The following ASPH variants were observed in gnomAD, a reference collection of about 807,000 sequenced individuals.
ASPH encodes aspartate beta-hydroxylase.
Under a neutral mutation model 118.4 loss-of-function variants are expected in ASPH, and 100 were observed. That is an observed-to-expected ratio of 0.84 (90% CI 0.72 to 1.00). The LOEUF (loss-of-function observed/expected upper bound fraction) is 1.00. Among genes scored for constraint, ASPH ranks in the 50% least tolerant of loss-of-function variants. The probability of loss-of-function intolerance (pLI) is 0.00; values close to 1 mark genes in which losing one functional copy is unlikely to be tolerated. For missense variants in ASPH, 920 were observed against 919.5 expected, an observed-to-expected ratio of 1.00 and a Z score of -0.01; for synonymous variants, 315 against 325.6, an observed-to-expected ratio of 0.97 and a Z score of 0.35.
At chr8:61,706,577 T>C (rs1292519927) in intron 1 of ASPH, among the ~76,000 whole-genome samples, 1 of 152,146 alleles carries the variant, frequency 6.6e-6, no homozygotes, top group African/African-American at 2.4e-5. Context: ...ACATCTGTAT[T>C]TGTCCCAAAT....
intron 13 of ASPH, among the ~76,000 whole-genome samples, chr8:61,629,316 T>C (rs967372745): frequency 2.6e-5 from 4 of 152,232 alleles, no homozygotes; most frequent in Non-Finnish European, 4.4e-5. Context: ...CCTAAAGTAT[T>C]GTTTGAGAGG....
chr8:61,664,733 C>T (rs1014867203), intron 3 of ASPH: 76 of 977,452 alleles, frequency 7.8e-5, no homozygotes, highest in East Asian at 1.2e-4. Context: ...TGAAAGGCTG[C>T]GGGAGGGCTG....
chr8:61,595,311 C>G (rs769605141), intron 14 of ASPH, among the ~76,000 whole-genome samples: 1 of 152,088 alleles, frequency 6.6e-6, no homozygotes, highest in Non-Finnish European at 1.5e-5. Flanking sequence ...TGAGCAATAG[C>G]AGGATGATGA....
intron 10 of ASPH, among the ~76,000 whole-genome samples, chr8:61,638,726 T>C (rs1276832105): frequency 6.6e-6 from 1 of 152,190 alleles, no homozygotes; most frequent in Admixed American, 6.5e-5. Flanking sequence ...TTCTCAGACC[T>C]CTAACCTGGG....
intron 4 of ASPH, 50 bp from the exon 5 acceptor site, chr8:61,651,174 T>C: frequency 4.1e-6 from 6 of 1,467,152 alleles, no homozygotes; most frequent in Middle Eastern, 1.9e-4. Flanking sequence ...AACATCAACA[T>C]GGACCCCTAA....
intron 21 of ASPH, among the ~76,000 whole-genome samples, chr8:61,545,172 G>A (rs1472775811): frequency 1.3e-5 from 2 of 152,170 alleles, no homozygotes; most frequent in Admixed American, 6.6e-5. Flanking sequence ...GATGGTGTTA[G>A]GAAGTGGGGC....
At chr8:61,645,406 G>A (rs1261586312) in intron 6 of ASPH, among the ~76,000 whole-genome samples, 6 of 152,160 alleles carry the variant, frequency 3.9e-5, no homozygotes, top group Admixed American at 6.5e-5. Flanking sequence ...TAAGCAGCAT[G>A]TAGATAGAAA....
intron 14 of ASPH, among the ~76,000 whole-genome samples, chr8:61,589,216 T>C (rs1228364419): frequency 6.6e-6 from 1 of 152,312 alleles, no homozygotes; most frequent in East Asian, 1.9e-4. Flanking sequence ...GAATACACAC[T>C]ATAAAAGGTA....
At chr8:61,566,278 G>A (rs1332061032) in intron 17 of ASPH, among the ~76,000 whole-genome samples, 1 of 152,198 alleles carries the variant, frequency 6.6e-6, no homozygotes, top group Non-Finnish European at 1.5e-5. Context: ...AGTGGAGGAA[G>A]TAACTACAGA....
At chr8:61,713,352 C>G (rs992887785) in intron 1 of ASPH, among the ~76,000 whole-genome samples, 2 of 152,158 alleles carry the variant, frequency 1.3e-5, no homozygotes, top group African/African-American at 4.8e-5. Flanking sequence ...GTGACAAGTG[C>G]TATAAAGAAA....
At chr8:61,564,826 G>A (rs6984604) in intron 17 of ASPH, among the ~76,000 whole-genome samples, 123,066 of 152,184 alleles carry the variant, frequency 0.81, 50,115 homozygotes, top group Non-Finnish European at 0.85. Flanking sequence ...TCTAATCCTC[G>A]GAAAACTGAT....
intron 16 of ASPH, among the ~76,000 whole-genome samples, chr8:61,570,225 A>G (rs1833052879): frequency 6.6e-6 from 1 of 152,252 alleles, no homozygotes; most frequent in Admixed American, 6.5e-5. Flanking sequence ...TTATAATAAA[A>G]TGTTGAATAT....
intron 13 of ASPH, among the ~76,000 whole-genome samples, chr8:61,622,178 A>C (rs1337882492): frequency 6.6e-6 from 1 of 152,094 alleles, no homozygotes; most frequent in Non-Finnish European, 1.5e-5. Flanking sequence ...TCTCTACTAA[A>C]AATACAAAAA....
chr8:61,583,716 C>A (rs1838344385), intron 15 of ASPH, among the ~76,000 whole-genome samples: 1 of 152,148 alleles, frequency 6.6e-6, no homozygotes, highest in Admixed American at 6.5e-5. Context: ...TAGGCTGACA[C>A]CCGCATCGGC....
At chr8:61,679,933 G>T (rs1264956684) in intron 3 of ASPH, among the ~76,000 whole-genome samples, 1 of 141,488 alleles carries the variant, frequency 7.1e-6, no homozygotes, top group Admixed American at 7.1e-5. Context: ...AATTCCCAAT[G>T]GGCAATAATA....
chr8:61,575,020 C>A (rs1834674665), intron 16 of ASPH, among the ~76,000 whole-genome samples: 1 of 152,118 alleles, frequency 6.6e-6, no homozygotes, highest in African/African-American at 2.4e-5. Context: ...TGCCTCAAAG[C>A]CTTTGACTTG....
chr8:61,566,585 CA>C (rs1831766165), intron 17 of ASPH, among the ~76,000 whole-genome samples: 1 of 152,218 alleles, frequency 6.6e-6, no homozygotes, highest in South Asian at 2.1e-4. Flanking sequence ...AACAGCACTT[CA>C]AACTACAGAT....
At chr8:61,594,148 G>A (rs1254082417) in intron 14 of ASPH, among the ~76,000 whole-genome samples, 1 of 152,124 alleles carries the variant, frequency 6.6e-6, no homozygotes, top group African/African-American at 2.4e-5. Flanking sequence ...GTCCCCAAAA[G>A]CATCACTGCA....
chr8:61,626,905 G>C (rs554819004), intron 13 of ASPH, among the ~76,000 whole-genome samples: 25 of 151,462 alleles, frequency 1.7e-4, no homozygotes, highest in African/African-American at 5.1e-4. Flanking sequence ...AATTGGATTT[G>C]TGTTACAATT....
Sources: allele counts gnomAD v4.1 joint callset (sites outside exome capture counted in the v4.1 genomes callset), GRCh38; gene constraint gnomAD v4.1.1; transcripts MANE v1.5; gene names NCBI Gene and HGNC (gene_info 2026-07-23, HGNC 2026-07-21).